The following NPAS2 variants were observed in gnomAD, a reference collection of about 807,000 sequenced individuals.
NPAS2 encodes neuronal PAS domain protein 2.
A neutral mutation model predicts 107.5 loss-of-function variants in NPAS2; 23 were observed. The ratio of observed to expected loss-of-function variants is 0.21; its 90% CI spans 0.15 to 0.30. The LOEUF (loss-of-function observed/expected upper bound fraction) is 0.30. Among genes scored for constraint, NPAS2 ranks in the 10% least tolerant of loss-of-function variants. The pLI is 1.00. For missense variants in NPAS2, 756 were observed against 1,043.3 expected, an observed-to-expected ratio of 0.72 and a Z score of 3.79; for synonymous variants, 403 against 417.5, an observed-to-expected ratio of 0.97 and a Z score of 0.42.
intron 13 of NPAS2, 133 bp downstream of exon 13, chr2:100,975,077 TCC>T: frequency 1.4e-6 from 1 of 735,276 alleles, no homozygotes; most frequent in East Asian, 6.4e-5. Flanking sequence ...CAGTTTATAC[TCC>T]TCCTTTCCTT....
rs755681047 is a variant in NPAS2, at chr2:100,965,630, T to C, written c.801-30T>C. 6 of 1,510,506 alleles carry C rather than the reference T, an allele frequency of 4.0e-6. No homozygotes were observed. Among genetic ancestry groups the C allele is most frequent in the Non-Finnish European group, 4.6e-6 (5 of 1,087,656 alleles). The allele number at this position is 1,510,506 out of a possible 1,614,324, so 93.6% of individuals were successfully genotyped here. A position where few individuals can be genotyped will look rare whatever the true frequency, so the allele number is the denominator to read the frequency against. ...TGAGCCCTGCAGGGTGTCTCCTCCCTGATGACAAGTCCTCCTTGTCCTTGT... is the reference window on the plus strand; with the variant it reads ...TGAGCCCTGCAGGGTGTCTCCTCCCCGATGACAAGTCCTCCTTGTCCTTGT... On this transcript the variant is annotated intron_variant, in intron 9 of 20. Transcript: ENST00000335681. This position sits in a 1 kb window ranked among gnomAD's most constrained non-coding sequence, Gnocchi z 4.3.
intron 15 of NPAS2, 91 bp from the exon 16 acceptor site, chr2:100,982,140 A>G: frequency 6.8e-7 from 1 of 1,466,888 alleles, no homozygotes; most frequent in Non-Finnish European, 9.4e-7. Context: ...AGGGACGGAA[A>G]TGAAGTGTAC....
intron 2 of NPAS2, among the ~76,000 whole-genome samples, chr2:100,923,526 A>G (rs1357763151): frequency 6.6e-6 from 1 of 152,102 alleles, no homozygotes; most frequent in Non-Finnish European, 1.5e-5. Flanking sequence ...TTACCTATAG[A>G]TACTTACACC....
chr2:100,959,861 C>A (rs1323389603), intron 7 of NPAS2, among the ~76,000 whole-genome samples: 2 of 152,212 alleles, frequency 1.3e-5, no homozygotes, highest in Non-Finnish European at 2.9e-5. Context: ...GTTCTGATGA[C>A]TGAGCTGGTA....
chr2:100,887,428 C>T (rs982518222), intron 1 of NPAS2, among the ~76,000 whole-genome samples: 14 of 152,236 alleles, frequency 9.2e-5, no homozygotes, highest in Non-Finnish European at 1.9e-4. Flanking sequence ...TCCTCAGCTC[C>T]AGTGAGCCTC....
chr2:100,982,038 G>A (rs1677473443), intron 15 of NPAS2, among the ~76,000 whole-genome samples, 193 bp from the exon 16 acceptor site: 1 of 152,210 alleles, frequency 6.6e-6, no homozygotes, highest in Non-Finnish European at 1.5e-5. Flanking sequence ...CTGGTGCAGG[G>A]GCCCCCAGGA....
chr2:100,914,355 G>T (rs1339668129), intron 2 of NPAS2, among the ~76,000 whole-genome samples: 1 of 152,200 alleles, frequency 6.6e-6, no homozygotes. Flanking sequence ...GGATTCCAGA[G>T]TTCTAGAGAG....
At position 100,850,038 on chromosome 2, in the gene NPAS2, GC is replaced by G. The variant is rs1678062189; in HGVS notation, c.-23+29625del. Among the ~76,000 whole-genome samples the G allele has an allele frequency of 2.0e-4, 7 of 34,720 alleles. No homozygotes were observed. In the South Asian group the frequency reaches 4.3e-3, roughly 22 times the overall value. 22.8% of individuals were successfully genotyped at this position (34,720 alleles called of 152,430 possible). The stretch of plus-strand genomic sequence containing the variant: ...AAAAAAAAAAAAAAAAAAAAAAAAA[GC>G]AAGAGAAAATAGAAAAAAAAATTTG... On this transcript the variant is annotated intron_variant, in intron 1 of 20. Coordinates refer to ENST00000335681, the MANE Select transcript of NPAS2 (RefSeq NM_002518.4).
At chr2:100,901,744 T>C (rs1039044809) in intron 1 of NPAS2, 1 of 160,186 alleles carries the variant, frequency 6.2e-6, no homozygotes, top group African/African-American at 2.4e-5. Flanking sequence ...TTCACAGCTC[T>C]GCCGTTCCCC....
At chr2:100,992,559 G>A (rs552583740) in intron 19 of NPAS2, among the ~76,000 whole-genome samples, 145 of 152,242 alleles carry the variant, frequency 9.5e-4, no homozygotes, top group African/African-American at 3.0e-3. Flanking sequence ...CCTCCCCCTC[G>A]TTCTCGATCT....
chr2:100,884,008 G>C (rs1157143532), intron 1 of NPAS2, among the ~76,000 whole-genome samples: 1 of 152,146 alleles, frequency 6.6e-6, no homozygotes, highest in African/African-American at 2.4e-5. Flanking sequence ...TCTTGCTTCC[G>C]TGGGGAGCAC....
intron 19 of NPAS2, among the ~76,000 whole-genome samples, chr2:100,993,089 C>T (rs1479154189): frequency 1.3e-5 from 2 of 152,010 alleles, no homozygotes; most frequent in Non-Finnish European, 2.9e-5. Context: ...AACATGACAC[C>T]TGGCTAATTT....
chr2:100,958,882 A>G (rs190432619), intron 7 of NPAS2, among the ~76,000 whole-genome samples: 1 of 152,120 alleles, frequency 6.6e-6, no homozygotes, highest in African/African-American at 2.4e-5. Context: ...AAAAATACTC[A>G]TTTTAATTAA....
At chr2:100,975,251 A>G (rs767297761) in intron 13 of NPAS2, 1 of 599,470 alleles carries the variant, frequency 1.7e-6, no homozygotes, top group Non-Finnish European at 3.0e-6. Context: ...AGCAGCCGAA[A>G]TGAAGTTTAG....
At chr2:100,932,572 C>G (rs959385812) in intron 3 of NPAS2, among the ~76,000 whole-genome samples, 2 of 151,136 alleles carry the variant, frequency 1.3e-5, no homozygotes, top group Non-Finnish European at 2.9e-5. Flanking sequence ...AGTGTTTGTT[C>G]CTATTGCCTT....
intron 2 of NPAS2, among the ~76,000 whole-genome samples, chr2:100,923,752 G>C (rs1683388636): frequency 6.6e-6 from 1 of 152,176 alleles, no homozygotes; most frequent in African/African-American, 2.4e-5. Flanking sequence ...CAGTGAACTG[G>C]GGAGGAGTGA....
chr2:100,884,556 T>G (rs1439226826), intron 1 of NPAS2, among the ~76,000 whole-genome samples: 1 of 152,224 alleles, frequency 6.6e-6, no homozygotes, highest in Admixed American at 6.5e-5. Context: ...ACACACATTA[T>G]TAAGACTTCA....
At chr2:100,981,168 C>T (rs1677413654) in intron 15 of NPAS2, among the ~76,000 whole-genome samples, 2 of 152,120 alleles carry the variant, frequency 1.3e-5, no homozygotes, top group Admixed American at 1.3e-4. Context: ...GCTCTCCTTG[C>T]CTCCCTGTGT....
intron 1 of NPAS2, among the ~76,000 whole-genome samples, chr2:100,826,351 A>T (rs1676378817): frequency 6.6e-6 from 1 of 152,228 alleles, no homozygotes; most frequent in Non-Finnish European, 1.5e-5. Context: ...CTGAGGCAGG[A>T]GAATCACTTG....
Sources: gnomAD v4.1 joint callset for allele counts (sites outside exome capture counted in the v4.1 genomes callset) on GRCh38, gnomAD v4.1.1 for gene constraint, Gnocchi (gnomAD v3.1) non-coding constraint, MANE v1.5 for transcripts, NCBI Gene and HGNC (gene_info 2026-07-23, HGNC 2026-07-21) for gene names.